The following PPFIA2 variants were observed in gnomAD, a reference collection of about 807,000 sequenced individuals.
The protein encoded by PPFIA2 is liprin-alpha-2.
Under a neutral mutation model 175.5 loss-of-function variants are expected in PPFIA2, and 46 were observed. The ratio of observed to expected loss-of-function variants is 0.26; its 90% CI spans 0.21 to 0.34. The LOEUF is 0.34. Ranked by LOEUF, PPFIA2 falls within the 10% of genes least tolerant of loss-of-function variation. The pLI is 1.00. For synonymous variants in PPFIA2, 568 were observed against 511.4 expected (o/e 1.11, Z -1.49); for missense variants, 1,179 against 1,506.1 (o/e 0.78, Z 3.60).
At position 81,754,052 on chromosome 12, in the gene PPFIA2, G is replaced by A; in HGVS notation, c.170C>T (p.Ser57Leu). 6.2e-7 allele frequency: 1 copy of A among 1,613,896 alleles called. No homozygotes were observed. The highest frequency in any genetic ancestry group is 8.5e-7 in the Non-Finnish European group (1 of 1,179,870). ...ATCCTGAAGTCTTTGCTGGGCAAGT[G>A]AGAGGCTTTCCTGGGTCTCCCGAAG... ...DTLRETQESL[S>L]LAQQRLQDVI... is the part of the protein sequence containing the mutation. The change falls in exon 3 of 33, where the codon TCA becomes TTA. Residue 57 changes from serine (S) to leucine (L), a missense_variant. Ser to Leu is a moderately radical substitution (Grantham distance 145). This residue lies in a region of PPFIA2 where 128 missense variants were observed against 141.4 expected (regional missense o/e 0.91). Transcript: ENST00000549396.
At chr12:81,361,976 T>C (rs1595560041) in intron 15 of PPFIA2, among the ~76,000 whole-genome samples, 1 of 148,446 alleles carries the variant, frequency 6.7e-6, no homozygotes, top group Non-Finnish European at 1.5e-5. Context: ...AACATATAGA[T>C]CTATCTATGT....
At chr12:81,302,656 G>C (rs1379093921) in intron 22 of PPFIA2, 4 of 452,666 alleles carry the variant, frequency 8.8e-6, no homozygotes, top group African/African-American at 8.0e-5. Context: ...TTTACACCAG[G>C]ACTGTGTGCT....
At chr12:81,362,379 G>C (rs1376191006) in intron 15 of PPFIA2, among the ~76,000 whole-genome samples, 1 of 151,048 alleles carries the variant, frequency 6.6e-6, no homozygotes, top group Non-Finnish European at 1.5e-5. Flanking sequence ...GCCTCTTCTT[G>C]AATGAGATGC....
In PPFIA2 at chr12:81,676,847, GA is replaced by G; in HGVS notation, c.250-4del. ...CCTCCTGTTAGGGATTCGATATCCT[GA>G]AAAGGGGAGAGGTGTTGATTGTAAA... On this transcript the variant is annotated splice_polypyrimidine_tract_variant and splice_region_variant and intron_variant, in intron 3 of 32. Coordinates refer to ENST00000549396, the MANE Select transcript of PPFIA2 (RefSeq NM_003625.5). 1.3e-6 allele frequency: 2 copies of G among 1,576,194 alleles called. No individual in the cohort carries two copies. Among genetic ancestry groups the G allele is most frequent in the South Asian group, 1.2e-5 (1 of 85,328 alleles).
intron 23 of PPFIA2, among the ~76,000 whole-genome samples, chr12:81,297,012 C>T (rs1041094288): frequency 1.4e-4 from 21 of 152,288 alleles, no homozygotes; most frequent in African/African-American, 4.8e-4. Flanking sequence ...AGTCCCCTCC[C>T]GCTGTCTCTT....
intron 3 of PPFIA2, among the ~76,000 whole-genome samples, chr12:81,736,859 C>G (rs1323312287): frequency 6.6e-6 from 1 of 151,976 alleles, no homozygotes; most frequent in Non-Finnish European, 1.5e-5. Context: ...TCTCTTGCCT[C>G]TGCCTCCCCA....
intron 22 of PPFIA2, among the ~76,000 whole-genome samples, chr12:81,308,137 G>T (rs920144369): frequency 6.6e-6 from 1 of 152,096 alleles, no homozygotes; most frequent in Non-Finnish European, 1.5e-5. Context: ...TACAGTAAGT[G>T]CTATAATTGA....
chr12:81,664,153 C>G (rs1183070515), intron 4 of PPFIA2, among the ~76,000 whole-genome samples: 1 of 152,070 alleles, frequency 6.6e-6, no homozygotes, highest in African/African-American at 2.4e-5. Flanking sequence ...TCTAAAACAC[C>G]AAAAGCAATG....
intron 3 of PPFIA2, among the ~76,000 whole-genome samples, chr12:81,741,452 A>G (rs976928133): frequency 2.0e-4 from 31 of 152,114 alleles, no homozygotes; most frequent in Admixed American, 1.2e-3. Context: ...TTTTTTTTAA[A>G]CTCCAGCTAA....
At position 81,415,733 on chromosome 12, in the gene PPFIA2, G is replaced by A. The variant is rs548617183; in HGVS notation, c.646-9830C>T. Among the ~76,000 whole-genome samples the A allele has an allele frequency of 3.1e-4, 46 of 150,266 alleles. No homozygotes were observed. The South Asian group carries it at 8.8e-3, about 29-fold the overall frequency. On this transcript the variant is annotated intron_variant, in intron 7 of 32. Transcript: ENST00000549396. Reference sequence around the variant, plus strand: ...AAAAAAAAATCAAATATATTCTCAGGTAGAAAGTTTTGCTTTTTTGCAGGA... The same window carrying A: ...AAAAAAAAATCAAATATATTCTCAGATAGAAAGTTTTGCTTTTTTGCAGGA...
chr12:81,362,019 A>G (rs1208522515), intron 15 of PPFIA2, among the ~76,000 whole-genome samples: 1 of 148,236 alleles, frequency 6.7e-6, no homozygotes, highest in African/African-American at 2.5e-5. Flanking sequence ...CTATCTATCT[A>G]TCTATCTATC....
intron 4 of PPFIA2, among the ~76,000 whole-genome samples, chr12:81,569,286 C>T (rs1433731800): frequency 6.6e-6 from 1 of 150,592 alleles, no homozygotes; most frequent in Admixed American, 6.6e-5. Context: ...AAACTTTATA[C>T]CATATTGGTT....
intron 4 of PPFIA2, chr12:81,465,309 T>A (rs553977821): frequency 6.6e-6 from 1 of 151,928 alleles, no homozygotes; most frequent in Non-Finnish European, 1.5e-5. Flanking sequence ...AGAGGAAAAA[T>A]AAATGGTGAG....
chr12:81,359,434 G>T (rs1429816375), intron 15 of PPFIA2, among the ~76,000 whole-genome samples: 1 of 151,222 alleles, frequency 6.6e-6, no homozygotes, highest in African/African-American at 2.4e-5. Flanking sequence ...TTTTATCATG[G>T]ATAAGTTACA....
intron 5 of PPFIA2, among the ~76,000 whole-genome samples, chr12:81,454,759 C>A (rs1038320537): frequency 2.0e-5 from 3 of 152,044 alleles, no homozygotes; most frequent in African/African-American, 7.2e-5. Context: ...ATCCTAACTA[C>A]TCGATGTAAA....
At chr12:81,561,583 T>G (rs1339689002) in intron 4 of PPFIA2, among the ~76,000 whole-genome samples, 2 of 152,224 alleles carry the variant, frequency 1.3e-5, no homozygotes, top group Non-Finnish European at 2.9e-5. Context: ...CTCATATAGC[T>G]ATCTTCCTAT....
chr12:81,317,646 G>T (rs1263794722), intron 22 of PPFIA2, among the ~76,000 whole-genome samples: 3 of 151,736 alleles, frequency 2.0e-5, no homozygotes, highest in African/African-American at 4.8e-5. Context: ...AGAAATCACT[G>T]CCCTAACTCC....
intron 6 of PPFIA2, among the ~76,000 whole-genome samples, chr12:81,441,460 T>C (rs2050160062): frequency 6.6e-6 from 1 of 151,890 alleles, no homozygotes; most frequent in South Asian, 2.1e-4. Context: ...TCTAAAAGAG[T>C]TGCACAGGAT....
intron 3 of PPFIA2, among the ~76,000 whole-genome samples, chr12:81,741,114 A>G (rs1019884160): frequency 6.6e-6 from 1 of 152,172 alleles, no homozygotes; most frequent in Non-Finnish European, 1.5e-5. Flanking sequence ...AATTCCTTCA[A>G]AGCAAATCAT....
Sources: allele counts gnomAD v4.1 joint callset (sites outside exome capture counted in the v4.1 genomes callset), GRCh38; gene constraint gnomAD v4.1.1; regional missense constraint gnomAD v4.1.1; transcripts MANE v1.5; gene names NCBI Gene and HGNC (gene_info 2026-07-23, HGNC 2026-07-21).